The following TBXAS1 variants were observed in gnomAD, a reference collection of about 807,000 sequenced individuals.
The protein encoded by TBXAS1 is thromboxane A synthase 1, also known as thromboxane-A synthase.
In TBXAS1, 48 loss-of-function variants were observed where a neutral mutation model predicts 60.7. The ratio of observed to expected loss-of-function variants is 0.79; its 90% CI spans 0.63 to 1.01. The LOEUF (loss-of-function observed/expected upper bound fraction) is 1.01. TBXAS1 is among the 50% of genes least tolerant of loss of function. The pLI, the probability that TBXAS1 is intolerant of heterozygous loss-of-function variation, is 0.00. For missense variants in TBXAS1, 685 were observed against 686.3 expected (o/e 1.00, Z 0.02); for synonymous variants, 287 against 269.7 (o/e 1.06, Z -0.63).
chr7:139,856,709 A>C (rs918232861), intron 1 of TBXAS1, among the ~76,000 whole-genome samples: 1 of 152,162 alleles, frequency 6.6e-6, no homozygotes, highest in Non-Finnish European at 1.5e-5. Context: ...GCATAATCTG[A>C]GGGTGGAGTT....
intron 5 of TBXAS1, among the ~76,000 whole-genome samples, chr7:139,936,645 G>C (rs1314387851): frequency 1.3e-5 from 2 of 151,224 alleles, no homozygotes; most frequent in Non-Finnish European, 2.9e-5. Context: ...CATGCATAAT[G>C]GATCACCTAG....
chr7:139,986,592 T>C (rs756627905), intron 9 of TBXAS1, among the ~76,000 whole-genome samples: 1 of 151,706 alleles, frequency 6.6e-6, no homozygotes, highest in South Asian at 2.1e-4. Flanking sequence ...CTCCCGCTTA[T>C]GAGTGAGAAC....
At chr7:139,806,417 C>T (rs1797880015) in intron 4 of TBXAS1, among the ~76,000 whole-genome samples, 2 of 151,742 alleles carry the variant, frequency 1.3e-5, no homozygotes, top group South Asian at 4.2e-4. Flanking sequence ...CGCGCTCTAC[C>T]ATACCCAGCT....
chr7:139,938,996 T>G (rs1569516190), intron 5 of TBXAS1, among the ~76,000 whole-genome samples: 1 of 152,318 alleles, frequency 6.6e-6, no homozygotes, highest in East Asian at 1.9e-4. Context: ...CTTCTCCCTC[T>G]AGTCCAGAAA....
At chr7:139,906,835 C>T (rs1805131862) in intron 3 of TBXAS1, among the ~76,000 whole-genome samples, 1 of 152,166 alleles carries the variant, frequency 6.6e-6, no homozygotes, top group African/African-American at 2.4e-5. Flanking sequence ...TTGGTTTACA[C>T]ATGTTCATTG....
chr7:139,972,069 G>T (rs926686785), intron 9 of TBXAS1, among the ~76,000 whole-genome samples: 1 of 152,126 alleles, frequency 6.6e-6, no homozygotes, highest in Admixed American at 6.5e-5. Flanking sequence ...ACTTGCAGGT[G>T]TTTTTTTCTG....
chr7:139,951,949 G>GA (rs199596199), intron 5 of TBXAS1, among the ~76,000 whole-genome samples: 17,864 of 43,860 alleles, frequency 0.41, 4,127 homozygotes, highest in Middle Eastern at 0.49. Flanking sequence ...AGGAAAGAAA[G>GA]AAAAGAAAGA....
chr7:139,799,171 C>A (rs1240919510), intron 4 of TBXAS1, among the ~76,000 whole-genome samples: 1 of 150,508 alleles, frequency 6.6e-6, no homozygotes, highest in Non-Finnish European at 1.5e-5. Flanking sequence ...TGGGCTCAAG[C>A]AGTCCTCTCA....
intron 4 of TBXAS1, among the ~76,000 whole-genome samples, chr7:139,917,642 T>C (rs912976311): frequency 3.2e-4 from 49 of 152,228 alleles, no homozygotes; most frequent in African/African-American, 1.1e-3. Context: ...AATTCTAACA[T>C]CTTTAAAAGT....
intron 9 of TBXAS1, chr7:139,962,890 GAGA>G (rs1810483631): frequency 6.5e-6 from 1 of 153,016 alleles, no homozygotes; most frequent in Non-Finnish European, 1.5e-5. Context: ...AGTTGTCAAA[GAGA>G]TTCATTTTTA....
chr7:139,969,457 CAAAAAAAAAA>C (rs71170928), intron 9 of TBXAS1, among the ~76,000 whole-genome samples: 11 of 101,038 alleles, frequency 1.1e-4, no homozygotes, highest in African/African-American at 1.6e-4. Context: ...TATGTGCTTA[CAAAAAAAAAA>C]AAAAAAAAAA....
chr7:139,826,419 C>T (rs1271396737), upstream of TBXAS1, among the ~76,000 whole-genome samples: 1 of 152,018 alleles, frequency 6.6e-6, no homozygotes. Context: ...CAGGGAACTA[C>T]AGAGGAATAA....
At chr7:139,791,810 T>C (rs1164586828) in intron 4 of TBXAS1, among the ~76,000 whole-genome samples, 1 of 101,122 alleles carries the variant, frequency 9.9e-6, no homozygotes, top group East Asian at 3.5e-4. Context: ...AATGTTTTGT[T>C]TTTTTTTTTT....
chr7:139,951,950 A>AAAAAGAAAGAAAGAAAGAAAG (rs1221006411), intron 5 of TBXAS1, among the ~76,000 whole-genome samples: 2 of 42,006 alleles, frequency 4.8e-5, no homozygotes, highest in African/African-American at 9.1e-5. Context: ...GGAAAGAAAG[A>AAAAAGAAAGAAAGAAAGAAAG]AAAGAAAGAA....
At position 139,829,332 on chromosome 7, in the gene TBXAS1, G is replaced by T. The variant is rs748243621; in HGVS notation, c.-59G>T. ...TGCAGAGCACGGTTCCCATAAGGGC[G>T]GCGAGATCAGCCTCCTGTCTCATCT... is the stretch of plus-strand genomic sequence containing the variant. On this transcript the variant is annotated 5_prime_UTR_variant, in exon 1 of 13. Transcript: ENST00000448866. The T allele has an allele frequency of 2.0e-6, 3 of 1,528,356 alleles. No homozygotes were observed. Among genetic ancestry groups the T allele is most frequent in the Non-Finnish European group, 2.7e-6 (3 of 1,110,828 alleles). 94.7% of individuals were successfully genotyped at this position (1,528,356 alleles called of 1,614,324 possible).
At chr7:139,863,811 A>G (rs115085164) in intron 1 of TBXAS1, among the ~76,000 whole-genome samples, 2,414 of 152,322 alleles carry the variant, frequency 0.016, 37 homozygotes, top group African/African-American at 0.036. Context: ...AAAATCAGAA[A>G]TGATCAACAA....
chr7:139,909,169 T>G (rs1468179855), intron 3 of TBXAS1, among the ~76,000 whole-genome samples: 1 of 152,232 alleles, frequency 6.6e-6, no homozygotes, highest in East Asian at 1.9e-4. Context: ...TGGGTTCATC[T>G]GAGTTGAGAT....
At chr7:139,966,574 C>T (rs536443875) in intron 9 of TBXAS1, among the ~76,000 whole-genome samples, 4 of 152,362 alleles carry the variant, frequency 2.6e-5, no homozygotes, top group African/African-American at 9.6e-5. Context: ...GTGTTTTGAA[C>T]AGTCTCAACT....
chr7:139,990,866 G>C (rs977755767), intron 9 of TBXAS1, among the ~76,000 whole-genome samples: 8 of 152,146 alleles, frequency 5.3e-5, no homozygotes, highest in African/African-American at 1.7e-4. Context: ...GACACCTGGA[G>C]GGACTCCAGT....
Sources: gnomAD v4.1 joint callset for allele counts (sites outside exome capture counted in the v4.1 genomes callset) on GRCh38, gnomAD v4.1.1 for gene constraint, MANE v1.5 for transcripts, NCBI Gene and HGNC (gene_info 2026-07-23, HGNC 2026-07-21) for gene names.